The following DUSP8 variants were observed in gnomAD, a reference collection of about 807,000 sequenced individuals.
The protein encoded by DUSP8 is dual specificity protein phosphatase 8.
Under a neutral mutation model 38.7 loss-of-function variants are expected in DUSP8, and 15 were observed. The ratio of observed to expected loss-of-function variants is 0.39; its 90% CI spans 0.26 to 0.60. DUSP8 has a LOEUF of 0.60. DUSP8 is among the 20% of genes least tolerant of loss of function. The pLI, the probability that DUSP8 is intolerant of heterozygous loss-of-function variation, is 0.56. For synonymous variants in DUSP8, 458 were observed against 433.9 expected, an observed-to-expected ratio of 1.06 and a Z score of -0.69; for missense variants, 768 against 915.0, an observed-to-expected ratio of 0.84 and a Z score of 2.07.
rs535808189 is a variant in DUSP8, at chr11:1,556,664, C to A, written c.1732G>T (p.Ala578Ser). The A allele has an allele frequency of 7.2e-7, 1 of 1,385,000 alleles. No individual in the cohort carries two copies. Among genetic ancestry groups the A allele is most frequent in the Non-Finnish European group, 9.4e-7 (1 of 1,063,396 alleles). The allele number at this position is 1,385,000 out of a possible 1,614,324, so 85.8% of individuals were successfully genotyped here. The change falls in exon 7 of 7, where the codon GCC (alanine) becomes TCC (serine). Residue 578 changes from alanine (A) to serine (S), a missense_variant. Ala to Ser is a moderately conservative substitution (Grantham distance 99, BLOSUM62 1). This residue lies in a region of DUSP8 where 474 missense variants were observed against 430.8 expected (regional missense o/e 1.10). Coordinates refer to ENST00000397374, the MANE Select transcript of DUSP8 (RefSeq NM_004420.3). This position sits in a 1 kb window ranked among gnomAD's most constrained non-coding sequence, Gnocchi z 5.2. ...CGGCGCTTGAACTGCGTCTCCGGGG[C>A]CGGCTCCTCGGGCCAGCCGGTCCGC... ...DARTGWPEEP[A>S]PETQFKRRSC... is the part of the protein sequence containing the mutation.
chr11:1,558,348 C>T lies in DUSP8; in HGVS notation c.538-77G>A. The T allele has an allele frequency of 7.8e-7, 1 of 1,274,470 alleles. No homozygotes were observed. The highest frequency in any genetic ancestry group is 1.5e-5 in the African/African-American group (1 of 67,692). The allele number at this position is 1,274,470 out of a possible 1,614,324, so 78.9% of individuals were successfully genotyped here. On this transcript the variant is annotated intron_variant, in intron 4 of 6. Coordinates refer to ENST00000397374, the MANE Select transcript of DUSP8 (RefSeq NM_004420.3). The surrounding 1 kb of genome is among the most constrained non-coding windows in gnomAD (Gnocchi z 6.3). The stretch of plus-strand genomic sequence containing the variant: ...GAGTGAAGGTGGAGGCTTTTCCTGC[C>T]CTGCCGTCAGGAGGGCCTTTAGAAT...
At position 1,557,875 on chromosome 11, in the gene DUSP8, A is replaced by C; in HGVS notation, c.740T>G (p.Leu247Arg). 6.2e-7 allele frequency: 1 copy of C among 1,613,998 alleles called. No individual in the cohort carries two copies. Among genetic ancestry groups the C allele is most frequent in the Non-Finnish European group, 8.5e-7 (1 of 1,180,022 alleles). The change falls in exon 6 of 7, where the codon CTG becomes CGG. Residue 247 changes from leucine to arginine, a missense_variant. By Grantham distance (102) the Leu-to-Arg change is moderately radical (BLOSUM62 -2). This residue lies in a region of DUSP8 where 252 missense variants were observed against 410.4 expected (regional missense o/e 0.61). Coordinates refer to ENST00000397374, the MANE Select transcript of DUSP8 (RefSeq NM_004420.3). The surrounding 1 kb of genome is among the most constrained non-coding windows in gnomAD (Gnocchi z 9.9). ...LSSCQVIVHCLAGISRSATIA... is the reference protein window; with the variant it reads ...LSSCQVIVHCRAGISRSATIA... ...GGTGGCAGAGCGGGAGATGCCAGCC[A>C]GACAGTGGACGATGACTTGGCAGCT...
intron 3 of DUSP8, among the ~76,000 whole-genome samples, chr11:1,562,313 A>T (rs1848728718): frequency 6.6e-6 from 1 of 152,128 alleles, no homozygotes. Flanking sequence ...CTCCAAGAAG[A>T]GTCTCCTGAC....
Position 1,565,923 on chromosome 11 carries a change from A to G in DUSP8, c.-97T>C. Reference sequence around the variant, plus strand: ...CCTCGCGCTGGGAGTGACCTAGCACATGGTGCTGGACCTGCAGGGACAGGG... The same window carrying G: ...CCTCGCGCTGGGAGTGACCTAGCACGTGGTGCTGGACCTGCAGGGACAGGG... On this transcript the variant is annotated 5_prime_UTR_variant, in exon 2 of 7. It removes an upstream start codon present in the reference 5' UTR. Transcript: ENST00000397374. 2.9e-6 allele frequency: 3 copies of G among 1,037,304 alleles called. No homozygotes were observed. Among genetic ancestry groups the G allele is most frequent in the South Asian group, 1.4e-5 (1 of 71,002 alleles). 64.3% of individuals were successfully genotyped at this position (1,037,304 alleles called of 1,614,324 possible).
At chr11:1,569,713 G>A (rs1848859072) in intron 1 of DUSP8, among the ~76,000 whole-genome samples, 1 of 152,116 alleles carries the variant, frequency 6.6e-6, no homozygotes, top group Admixed American at 6.5e-5. Context: ...TCCTTACCAT[G>A]TTACCTTCTG....
At chr11:1,565,311 G>A (rs150566037) in intron 2 of DUSP8, among the ~76,000 whole-genome samples, 4 of 152,324 alleles carry the variant, frequency 2.6e-5, no homozygotes, top group East Asian at 1.9e-4. Flanking sequence ...TCCTATCTGC[G>A]TGGGGAGGGC....
chr11:1,557,674 C>T lies in DUSP8; in HGVS notation c.822-100G>A, dbSNP rs2133430409. On this transcript the variant is annotated intron_variant, in intron 6 of 6. Coordinates refer to ENST00000397374, the MANE Select transcript of DUSP8 (RefSeq NM_004420.3). This position sits in a 1 kb window ranked among gnomAD's most constrained non-coding sequence, Gnocchi z 9.9. ...ACGAGCTCATGTGCGCCAGGCTGGT[C>T]TCAGGCCCTCCTCCCTTGCCACGGG... 1 of 1,560,520 alleles carries T rather than the reference C, an allele frequency of 6.4e-7. No homozygotes were observed. Among genetic ancestry groups the T allele is most frequent in the Non-Finnish European group, 8.7e-7 (1 of 1,152,586 alleles).
chr11:1,556,944 C>T lies in DUSP8; in HGVS notation c.1452G>A (p.Pro484=), dbSNP rs1302443701. 2.2e-5 allele frequency: 24 copies of T among 1,072,488 alleles called. No homozygotes were observed. The highest frequency in any genetic ancestry group is 3.4e-5 in the African/African-American group (2 of 58,162). 66.4% of individuals were successfully genotyped at this position (1,072,488 alleles called of 1,614,324 possible). Residue 484 remains proline, a synonymous_variant, in exon 7 of 7, where the codon CCG becomes CCA. Transcript: ENST00000397374. The surrounding 1 kb of genome is among the most constrained non-coding windows in gnomAD (Gnocchi z 5.2). ...CCGACAGGGCCGAGAGGCCGTGCCG[C>T]GGAGTCTGCCGGGCCGCATCGCCGA... The part of the protein sequence containing the change: ...LNFGDAARQT[P]RHGLSALSAP...
intron 3 of DUSP8, among the ~76,000 whole-genome samples, chr11:1,562,883 A>G (rs1379208411): frequency 6.6e-6 from 1 of 152,100 alleles, no homozygotes; most frequent in Non-Finnish European, 1.5e-5. Flanking sequence ...TGCCCAGGAC[A>G]CTGGACCACC....
In DUSP8 at chr11:1,558,807, T is replaced by C. The variant is rs1287687180; in HGVS notation, c.537+82A>G. On this transcript the variant is annotated intron_variant, in intron 4 of 6. Transcript: ENST00000397374. The surrounding 1 kb of genome is among the most constrained non-coding windows in gnomAD (Gnocchi z 6.3). ...TGCCTTCAGCTCCTTTCCTCCCTCATCCCCCGCTCCGCTGCCAAGCTGCTT... is the reference window on the plus strand; with the variant it reads ...TGCCTTCAGCTCCTTTCCTCCCTCACCCCCCGCTCCGCTGCCAAGCTGCTT... 6.1e-6 allele frequency: 9 copies of C among 1,484,046 alleles called. No individual in the cohort carries two copies. In the African/African-American group the frequency reaches 8.4e-5, roughly 14 times the overall value. 91.9% of individuals were successfully genotyped at this position (1,484,046 alleles called of 1,614,324 possible).
intron 1 of DUSP8, among the ~76,000 whole-genome samples, chr11:1,567,198 G>A (rs1319080871): frequency 6.6e-6 from 1 of 152,192 alleles, no homozygotes; most frequent in Non-Finnish European, 1.5e-5. Context: ...CTGAGGGAAG[G>A]CTGGGAGATA....
intron 1 of DUSP8, among the ~76,000 whole-genome samples, chr11:1,567,571 CT>C (rs1485172781): frequency 6.6e-6 from 1 of 152,270 alleles, no homozygotes; most frequent in Non-Finnish European, 1.5e-5. Flanking sequence ...AGCTTGGCCC[CT>C]GCCTGGCCCC....
At chr11:1,569,508 G>C (rs886575717) in intron 1 of DUSP8, among the ~76,000 whole-genome samples, 2 of 152,112 alleles carry the variant, frequency 1.3e-5, no homozygotes, top group African/African-American at 4.8e-5. Context: ...ACATACACTA[G>C]AGTACACGCA....
At position 1,557,731 on chromosome 11, in the gene DUSP8, G is replaced by A; in HGVS notation, c.821+63C>T. On this transcript the variant is annotated intron_variant, in intron 6 of 6. Transcript: ENST00000397374. The surrounding 1 kb of genome is among the most constrained non-coding windows in gnomAD (Gnocchi z 9.9). The stretch of plus-strand genomic sequence containing the variant: ...ACGGTGGGGTCATTCTGGTGCAAGT[G>A]GGCAGCCGGGGGAAGGGAAGCGACG... 4 of 1,605,606 alleles carry A rather than the reference G, an allele frequency of 2.5e-6. No homozygotes were observed. The highest frequency in any genetic ancestry group is 3.4e-6 in the Non-Finnish European group (4 of 1,176,332).
intron 3 of DUSP8, 170 bp from the exon 4 acceptor site, chr11:1,559,225 C>T: frequency 1.7e-6 from 1 of 591,924 alleles, no homozygotes; most frequent in East Asian, 3.4e-5. Flanking sequence ...ACCTGCTCTG[C>T]CCGCGGTGGG....
At chr11:1,562,690 T>TCC (rs1848740924) in intron 3 of DUSP8, among the ~76,000 whole-genome samples, 1 of 102,750 alleles carries the variant, frequency 9.7e-6, no homozygotes, top group Non-Finnish European at 2.1e-5. Flanking sequence ...TGCATGCACA[T>TCC]GCACACACAC....
At chr11:1,570,456 G>C (rs147418903) in intron 1 of DUSP8, among the ~76,000 whole-genome samples, 1 of 152,146 alleles carries the variant, frequency 6.6e-6, no homozygotes, top group African/African-American at 2.4e-5. Context: ...ATGCCCCTTC[G>C]AGGCACCTGT....
chr11:1,562,827 G>T (rs953328942), intron 3 of DUSP8, among the ~76,000 whole-genome samples: 2 of 152,170 alleles, frequency 1.3e-5, no homozygotes, highest in Non-Finnish European at 1.5e-5. Flanking sequence ...CAGGGTGCTG[G>T]TCTCACCCAC....
rs1336777332 is a variant in DUSP8, at chr11:1,554,547, T to G, written c.*1971A>C. On this transcript the variant is annotated 3_prime_UTR_variant, in exon 7 of 7. Transcript: ENST00000397374. ...CTTCGCCCCCCTGCTGGCTGCTCAC[T>G]TTGCGGTAACCAGTGCCTCAAGAGT... is the stretch of plus-strand genomic sequence containing the variant. 1 of 730,088 alleles carries G rather than the reference T, an allele frequency of 1.4e-6. No individual in the cohort carries two copies. Among genetic ancestry groups the G allele is most frequent in the Non-Finnish European group, 1.7e-6 (1 of 594,400 alleles). The allele number at this position is 730,088 out of a possible 1,614,324, so 45.2% of individuals were successfully genotyped here.
Sources: gnomAD v4.1 joint callset for allele counts (sites outside exome capture counted in the v4.1 genomes callset) on GRCh38, gnomAD v4.1.1 for gene constraint, gnomAD v4.1.1 regional missense constraint, Gnocchi (gnomAD v3.1) non-coding constraint, MANE v1.5 for transcripts, NCBI Gene and HGNC (gene_info 2026-07-23, HGNC 2026-07-21) for gene names.